Variants in ABCC12 observed in about 807,000 individuals in gnomAD.
ABCC12 encodes ATP-binding cassette sub-family C member 12.
A neutral mutation model predicts 151.1 loss-of-function variants in ABCC12; 142 were observed. The observed-to-expected ratio is 0.94, with a 90% CI of 0.82 to 1.08. The LOEUF is 1.08. Among genes scored for constraint, ABCC12 ranks in the 50% least tolerant of loss-of-function variants. ABCC12 has a pLI of 0.00. For missense variants in ABCC12, 1,638 were observed against 1,691.1 expected (o/e 0.97, Z 0.55); for synonymous variants, 645 against 646.4 (o/e 1.00, Z 0.03).
In ABCC12 at chr16:48,083,366, T is replaced by C; in HGVS notation, c.*349A>G. 4.3e-6 allele frequency: 1 copy of C among 232,544 alleles called. No individual in the cohort carries two copies. The allele number at this position is 232,544 out of a possible 1,614,324, so 14.4% of individuals were successfully genotyped here. A position where few individuals can be genotyped will look rare whatever the true frequency, so the allele number is the denominator to read the frequency against. ...CTAAGGCATTTTCCCATGTTGTTTA[T>C]TGTGGCTGATTTCTAACTGAAAGTT... On this transcript the variant is annotated 3_prime_UTR_variant, in exon 31 of 31. Coordinates refer to ENST00000311303, the MANE Select transcript of ABCC12 (RefSeq NM_001393797.1).
intron 23 of ABCC12, 68 bp downstream of exon 23, chr16:48,100,804 T>C: frequency 6.4e-7 from 1 of 1,556,024 alleles, no homozygotes; most frequent in Non-Finnish European, 8.7e-7. Context: ...TCCCTCCTCC[T>C]GTGCACTCCC....
rs994230104 is a variant in ABCC12, at chr16:48,155,884, G to C, written c.-363C>G. 5 of 152,346 alleles carry C rather than the reference G, an allele frequency of 3.3e-5. No individual in the cohort carries two copies. Among genetic ancestry groups the C allele is most frequent in the Admixed American group, 6.5e-5 (1 of 15,288 alleles). The allele number at this position is 152,346 out of a possible 1,614,324, so 9.4% of individuals were successfully genotyped here. A position where few individuals can be genotyped will look rare whatever the true frequency, so the allele number is the denominator to read the frequency against. On this transcript the variant is annotated 5_prime_UTR_variant, in exon 1 of 31. Coordinates refer to ENST00000311303, the MANE Select transcript of ABCC12 (RefSeq NM_001393797.1). ...GGAGGGGAGGAGGGTCAGCAGTCAT[G>C]GGGCTCAGAGCCTGGCATCTGCTGC...
At position 48,111,518 on chromosome 16, in the gene ABCC12, A is replaced by T. The variant is rs1366063895; in HGVS notation, c.2210-11T>A. Reference sequence around the variant, plus strand: ...TTCCTGGAGCCAAAACTAGGGTGAGAAATAAAGAGAGATCTGTGTCCATTC... The same window carrying T: ...TTCCTGGAGCCAAAACTAGGGTGAGTAATAAAGAGAGATCTGTGTCCATTC... On this transcript the variant is annotated splice_polypyrimidine_tract_variant and intron_variant, in intron 17 of 30. Coordinates refer to ENST00000311303, the MANE Select transcript of ABCC12 (RefSeq NM_001393797.1). 1 of 1,614,138 alleles carries T rather than the reference A, an allele frequency of 6.2e-7. No homozygotes were observed. Among genetic ancestry groups the T allele is most frequent in the Non-Finnish European group, 8.5e-7 (1 of 1,180,008 alleles).
intron 27 of ABCC12, chr16:48,087,514 C>T (rs1254979043): frequency 2.5e-5 from 4 of 159,168 alleles, no homozygotes; most frequent in African/African-American, 7.2e-5. Context: ...AATGAATGCA[C>T]TTTGCAATGG....
chr16:48,138,081 C>A, intron 8 of ABCC12, 147 bp downstream of exon 8: 2 of 773,386 alleles, frequency 2.6e-6, no homozygotes, highest in South Asian at 3.6e-5. Context: ...CTCCATAATC[C>A]TTTGAAAAAT....
In ABCC12 at chr16:48,151,291, C is replaced by G. The variant is rs908353882; in HGVS notation, c.-51+2325G>C. ...CATGAGAAAAACATCAGACGAATCC[C>G]AATTGAGGGACAGTCTACAAAATAC... On this transcript the variant is annotated intron_variant, in intron 2 of 30. Coordinates refer to ENST00000311303, the MANE Select transcript of ABCC12 (RefSeq NM_001393797.1). Among the ~76,000 whole-genome samples the G allele has an allele frequency of 6.6e-5, 10 of 152,220 alleles. 1 individual carries two copies. The highest frequency in any genetic ancestry group is 4.6e-4 in the Admixed American group (7 of 15,300).
intron 11 of ABCC12, among the ~76,000 whole-genome samples, chr16:48,126,074 A>G (rs1012402590): frequency 1.3e-5 from 2 of 152,078 alleles, no homozygotes; most frequent in Admixed American, 1.3e-4. Flanking sequence ...TGTTCTAAGG[A>G]CTTTCTGGCC....
intron 22 of ABCC12, 36 bp from the exon 23 acceptor site, chr16:48,101,045 A>G: frequency 1.2e-6 from 2 of 1,608,592 alleles, no homozygotes; most frequent in South Asian, 1.1e-5. Flanking sequence ...GTGGGCCACA[A>G]AGTGAGGTCT....
intron 10 of ABCC12, among the ~76,000 whole-genome samples, chr16:48,129,728 G>T (rs963027307): frequency 5.3e-5 from 8 of 152,308 alleles, no homozygotes; most frequent in African/African-American, 1.9e-4. Context: ...AAATCACTGC[G>T]CTAATCAGAT....
Position 48,111,679 on chromosome 16 carries a change from A to C in ABCC12, c.2125-17T>G. The C allele has an allele frequency of 6.2e-7, 1 of 1,614,122 alleles. No individual in the cohort carries two copies. The highest frequency in any genetic ancestry group is 8.5e-7 in the Non-Finnish European group (1 of 1,180,000). ...TTCAGGATCCTGGAGACAAAATGAA[A>C]TTCCTTCTGAATGCTAAGTGACAGG... On this transcript the variant is annotated splice_polypyrimidine_tract_variant and intron_variant, in intron 16 of 30. Transcript: ENST00000311303.
At position 48,141,326 on chromosome 16, in the gene ABCC12, T is replaced by C. The variant is rs1308591245; in HGVS notation, c.303A>G (p.Val101=). 5 of 1,614,088 alleles carry C rather than the reference T, an allele frequency of 3.1e-6. No homozygotes were observed. In the East Asian group the frequency reaches 8.9e-5, roughly 29 times the overall value. The part of the protein sequence containing the change: ...KRFRVLWDEE[V]ARVGPEKASL... ...AGGCCTTCTCAGGACCCACCCTTGC[T>C]ACCTCTTCATCCCAAAGGACTCGAA... Residue 101 remains valine, a synonymous_variant, in exon 5 of 31, where the codon GTA becomes GTG. Coordinates refer to ENST00000311303, the MANE Select transcript of ABCC12 (RefSeq NM_001393797.1).
chr16:48,143,852 A>G, intron 4 of ABCC12, 58 bp downstream of exon 4: 1 of 1,546,526 alleles, frequency 6.5e-7, no homozygotes, highest in Non-Finnish European at 8.8e-7. Context: ...ACTCTCAGGT[A>G]TTTCCTCATA....
chr16:48,134,154 G>A (rs2150661869), intron 8 of ABCC12, among the ~76,000 whole-genome samples: 1 of 152,324 alleles, frequency 6.6e-6, no homozygotes, highest in Admixed American at 6.5e-5. Flanking sequence ...CCAGAGAGGA[G>A]GGAAGACCAG....
chr16:48,139,646 T>G (rs1964737435), intron 6 of ABCC12, among the ~76,000 whole-genome samples: 1 of 152,180 alleles, frequency 6.6e-6, no homozygotes, highest in Non-Finnish European at 1.5e-5. Flanking sequence ...CAGCCTTCCT[T>G]GTGAAGACAA....
At chr16:48,086,899 A>G (rs1198581273) in intron 27 of ABCC12, 80 bp from the exon 28 acceptor site, 1 of 1,207,334 alleles carries the variant, frequency 8.3e-7, no homozygotes, top group African/African-American at 1.5e-5. Context: ...TTTCTGTAGC[A>G]TGTGGAGGAG....
rs1469464049 is a variant in ABCC12 at position 48,138,208 on chromosome 16, A to C, written c.979+20T>G. The stretch of plus-strand genomic sequence containing the variant: ...ATTCTACAAGGTAAGTGGTTCTTTA[A>C]GCAGCTACTCTTGTCCTACCTTGGA... On this transcript the variant is annotated intron_variant, in intron 8 of 30. Coordinates refer to ENST00000311303, the MANE Select transcript of ABCC12 (RefSeq NM_001393797.1). 3 of 1,584,412 alleles carry C rather than the reference A, an allele frequency of 1.9e-6. No homozygotes were observed. The South Asian group carries it at 3.4e-5, about 18-fold the overall frequency.
At chr16:48,143,825 T>C in intron 4 of ABCC12, 85 bp downstream of exon 4, 6 of 1,497,392 alleles carry the variant, frequency 4.0e-6, no homozygotes, top group Non-Finnish European at 5.4e-6. Context: ...AAACCTCTTT[T>C]TCTTTATAAA....
chr16:48,101,363 A>G (rs1963302980), intron 22 of ABCC12, among the ~76,000 whole-genome samples: 1 of 152,224 alleles, frequency 6.6e-6, no homozygotes, highest in Non-Finnish European at 1.5e-5. Flanking sequence ...GCCCAGCCAG[A>G]GAAAAAGTGA....
chr16:48,096,018 TTTC>T (rs1963081088), intron 24 of ABCC12, among the ~76,000 whole-genome samples: 1 of 152,216 alleles, frequency 6.6e-6, no homozygotes, highest in South Asian at 2.1e-4. Context: ...TGTGGCTCAG[TTTC>T]TTCATCTGCA....
Sources: gnomAD v4.1 joint callset for allele counts (sites outside exome capture counted in the v4.1 genomes callset) on GRCh38, gnomAD v4.1.1 for gene constraint, MANE v1.5 for transcripts, NCBI Gene and HGNC (gene_info 2026-07-23, HGNC 2026-07-21) for gene names.